The following NEDD4L variants were observed in gnomAD, a reference collection of about 807,000 sequenced individuals.
NEDD4L encodes NEDD4 like E3 ubiquitin protein ligase.
A neutral mutation model predicts 148.9 loss-of-function variants in NEDD4L; 54 were observed. The ratio of observed to expected loss-of-function variants is 0.36; its 90% CI spans 0.29 to 0.45. The LOEUF is 0.45. NEDD4L is among the 20% of genes least tolerant of loss of function. NEDD4L has a pLI of 1.00. For missense variants in NEDD4L, 856 were observed against 1,233.8 expected (o/e 0.69, Z 4.59); for synonymous variants, 433 against 440.7 (o/e 0.98, Z 0.22).
At chr18:58,295,480 A>G (rs984322045) in intron 5 of NEDD4L, among the ~76,000 whole-genome samples, 13 of 152,150 alleles carry the variant, frequency 8.5e-5, no homozygotes, top group Admixed American at 7.9e-4. Flanking sequence ...ATAATATTCC[A>G]CTGTCTGGAA....
intron 1 of NEDD4L, chr18:58,090,738 A>G (rs1419680107): frequency 2.0e-5 from 3 of 152,366 alleles, no homozygotes; most frequent in East Asian, 1.9e-4. Context: ...TTGGCCTCCC[A>G]AAGTGCTGGG....
chr18:58,180,942 G>C (rs558585177), intron 2 of NEDD4L, among the ~76,000 whole-genome samples: 1 of 152,288 alleles, frequency 6.6e-6, no homozygotes, highest in Admixed American at 6.5e-5. Context: ...GCACCCTCTG[G>C]TGGCCATATT....
intron 1 of NEDD4L, among the ~76,000 whole-genome samples, chr18:58,154,707 A>G (rs2146373979): frequency 6.6e-6 from 1 of 152,296 alleles, no homozygotes; most frequent in East Asian, 1.9e-4. Context: ...GAATCGCTTG[A>G]ACCCAGGGAG....
intron 1 of NEDD4L, among the ~76,000 whole-genome samples, chr18:58,052,528 C>G (rs1036975863): frequency 6.6e-6 from 1 of 152,196 alleles, no homozygotes; most frequent in Non-Finnish European, 1.5e-5. Context: ...GATTCCCTTG[C>G]TGTCATCAAA....
intron 1 of NEDD4L, among the ~76,000 whole-genome samples, chr18:58,090,079 C>A (rs1462140712): frequency 1.3e-5 from 2 of 152,148 alleles, no homozygotes; most frequent in Non-Finnish European, 2.9e-5. Context: ...ACCTCGTGAT[C>A]TGCTCACCTC....
chr18:58,143,432 G>T (rs975779566), intron 1 of NEDD4L, among the ~76,000 whole-genome samples: 29 of 152,186 alleles, frequency 1.9e-4, no homozygotes, highest in African/African-American at 7.0e-4. Context: ...TCTTTGAAAG[G>T]GGGCCATTTA....
intron 1 of NEDD4L, among the ~76,000 whole-genome samples, chr18:58,124,599 C>T (rs2030682310): frequency 6.6e-6 from 1 of 152,184 alleles, no homozygotes. Flanking sequence ...CTGGCATTCC[C>T]ACTTGAGGAC....
intron 2 of NEDD4L, among the ~76,000 whole-genome samples, chr18:58,232,762 G>A (rs2045398886): frequency 6.6e-6 from 1 of 152,148 alleles, no homozygotes; most frequent in Non-Finnish European, 1.5e-5. Context: ...CTGGTGGTTT[G>A]TTTGCACATT....
At chr18:58,133,045 G>A (rs4941335) in intron 1 of NEDD4L, among the ~76,000 whole-genome samples, 50,177 of 151,954 alleles carry the variant, frequency 0.33, 8,525 homozygotes, top group Non-Finnish European at 0.37. Flanking sequence ...TCAGTTATTC[G>A]TGATGTTAAA....
At chr18:58,355,378 G>A (rs372831158) in intron 18 of NEDD4L, among the ~76,000 whole-genome samples, 2 of 152,320 alleles carry the variant, frequency 1.3e-5, no homozygotes, top group African/African-American at 4.8e-5. Context: ...TTGGTGTTGG[G>A]TGATCAGAGG....
At chr18:58,337,733 C>T (rs764790491) in intron 13 of NEDD4L, among the ~76,000 whole-genome samples, 6 of 152,140 alleles carry the variant, frequency 3.9e-5, no homozygotes, top group Admixed American at 6.5e-5. Context: ...TTTCTGCTCC[C>T]CCTACCCTGC....
At chr18:58,289,654 G>T (rs1001406258) in intron 5 of NEDD4L, among the ~76,000 whole-genome samples, 2 of 152,294 alleles carry the variant, frequency 1.3e-5, no homozygotes, top group Middle Eastern at 3.4e-3. Flanking sequence ...TGAAGCAAGA[G>T]AAGCTCTTAG....
chr18:58,354,492 A>G (rs973732096), intron 18 of NEDD4L, among the ~76,000 whole-genome samples: 2 of 151,968 alleles, frequency 1.3e-5, no homozygotes, highest in African/African-American at 4.8e-5. Flanking sequence ...TCATACATTG[A>G]CCATACTTCA....
intron 2 of NEDD4L, among the ~76,000 whole-genome samples, chr18:58,208,135 A>C (rs1216628413): frequency 1.3e-5 from 2 of 152,198 alleles, no homozygotes; most frequent in Non-Finnish European, 2.9e-5. Flanking sequence ...TCCTGTTCTA[A>C]TGGGGGTTTA....
chr18:58,269,963 G>A (rs1478158138), intron 5 of NEDD4L, among the ~76,000 whole-genome samples: 2 of 152,172 alleles, frequency 1.3e-5, no homozygotes, highest in Non-Finnish European at 2.9e-5. Context: ...ATATAAAAGA[G>A]CTTCTCTCCT....
At chr18:58,317,033 A>C (rs1014746936) in intron 6 of NEDD4L, among the ~76,000 whole-genome samples, 2 of 142,280 alleles carry the variant, frequency 1.4e-5, no homozygotes, top group Non-Finnish European at 3.1e-5. Flanking sequence ...CCATATGTTA[A>C]ATACCAAGTA....
chr18:58,292,716 A>G (rs907136989), intron 5 of NEDD4L, among the ~76,000 whole-genome samples: 1 of 152,202 alleles, frequency 6.6e-6, no homozygotes, highest in Non-Finnish European at 1.5e-5. Context: ...TGCTTTACAC[A>G]TGATTAAATT....
intron 2 of NEDD4L, among the ~76,000 whole-genome samples, chr18:58,206,402 C>T (rs986406932): frequency 6.7e-6 from 1 of 149,386 alleles, no homozygotes; most frequent in African/African-American, 2.6e-5. Context: ...ACAACAACAA[C>T]AGCAACAACA....
chr18:58,367,613 C>T, intron 21 of NEDD4L, 133 bp from the exon 22 acceptor site: 3 of 907,922 alleles, frequency 3.3e-6, no homozygotes, highest in Non-Finnish European at 5.1e-6. Context: ...GGTCCTCTAG[C>T]CCACACATTT....
Sources: allele counts gnomAD v4.1 joint callset (sites outside exome capture counted in the v4.1 genomes callset), GRCh38; gene constraint gnomAD v4.1.1; transcripts MANE v1.5; gene names NCBI Gene and HGNC (gene_info 2026-07-23, HGNC 2026-07-21).